RBMS3: variants seen among roughly 807,000 people sequenced by gnomAD.
The protein encoded by RBMS3 is RNA binding motif single stranded interacting protein 3.
RBMS3 carries 27 observed loss-of-function variants against 66.8 expected under a neutral mutation model. That is an observed-to-expected ratio of 0.40 (90% CI 0.30 to 0.56). RBMS3 has a LOEUF of 0.56. Ranked by LOEUF, RBMS3 falls within the 20% of genes least tolerant of loss-of-function variation. The pLI is 0.40. For missense variants in RBMS3, 513 were observed against 549.5 expected (o/e 0.93, Z 0.66); for synonymous variants, 188 against 183.0 (o/e 1.03, Z -0.22).
At chr3:29,353,675 A>G (rs892689477) in intron 1 of RBMS3, among the ~76,000 whole-genome samples, 35 of 152,064 alleles carry the variant, frequency 2.3e-4, no homozygotes, top group Non-Finnish European at 4.4e-4. Flanking sequence ...TGTGGTTCTA[A>G]TACTCACAAC....
At chr3:29,747,571 A>G (rs2054978909) in intron 5 of RBMS3, among the ~76,000 whole-genome samples, 1 of 152,148 alleles carries the variant, frequency 6.6e-6, no homozygotes, top group South Asian at 2.1e-4. Context: ...CCAACATTCT[A>G]CTGGATTGGG....
chr3:29,493,856 A>C (rs77801127), intron 3 of RBMS3, among the ~76,000 whole-genome samples: 1 of 152,292 alleles, frequency 6.6e-6, no homozygotes, highest in East Asian at 1.9e-4. Flanking sequence ...TGCTTTATTT[A>C]GGAAAGAAAT....
At chr3:29,869,012 C>T in intron 7 of RBMS3, 48 bp downstream of exon 7, 1 of 1,469,444 alleles carries the variant, frequency 6.8e-7, no homozygotes, top group Non-Finnish European at 9.2e-7. Context: ...CAGTAGATAT[C>T]CCTCAGAAGG....
chr3:29,794,311 G>A (rs891746940), intron 6 of RBMS3, among the ~76,000 whole-genome samples: 4 of 152,164 alleles, frequency 2.6e-5, no homozygotes, highest in African/African-American at 9.7e-5. Flanking sequence ...TGATGGCGGG[G>A]CACGGTGGCT....
chr3:29,666,487 TTTTC>T lies in RBMS3; in HGVS notation c.400-73227_400-73224del, dbSNP rs371746241. Among the ~76,000 whole-genome samples the T allele has an allele frequency of 3.4e-3, 522 of 152,284 alleles. 5 individuals are homozygous for T. The highest frequency in any genetic ancestry group is 0.011 in the African/African-American group (440 of 41,554). ...TATATTTTCACAGGGCTTTCAGACT[TTTTC>T]TTTCTGTCAGTAGAAATGTGTACTT... On this transcript the variant is annotated intron_variant, in intron 4 of 14. Coordinates refer to ENST00000383767, the MANE Select transcript of RBMS3 (RefSeq NM_001003793.3).
chr3:29,309,003 A>C (rs1038086341), intron 1 of RBMS3, among the ~76,000 whole-genome samples: 2 of 151,800 alleles, frequency 1.3e-5, no homozygotes, highest in African/African-American at 4.8e-5. Flanking sequence ...ACTTGGAGAC[A>C]AGTCAGAATT....
chr3:29,369,534 T>A (rs78676979), intron 1 of RBMS3, among the ~76,000 whole-genome samples: 10 of 100,770 alleles, frequency 9.9e-5, no homozygotes, highest in South Asian at 6.8e-4. Context: ...ACACACACAC[T>A]TTGAGTGAGG....
chr3:29,518,003 A>G (rs1228968457), intron 3 of RBMS3, among the ~76,000 whole-genome samples: 1 of 152,184 alleles, frequency 6.6e-6, no homozygotes, highest in East Asian at 1.9e-4. Context: ...TAGGGTAGCT[A>G]AAAAGGCAAA....
In RBMS3 at chr3:30,005,309, A is replaced by G. The variant is rs1027074102; in HGVS notation, c.*1447A>G. ...GCAGTTTCAGCATGAAGAGTTCTGG[A>G]TATGAACTGATTCATAGAGCCAAGT... is the stretch of plus-strand genomic sequence containing the variant. On this transcript the variant is annotated 3_prime_UTR_variant, in exon 15 of 15. Coordinates refer to ENST00000383767, the MANE Select transcript of RBMS3 (RefSeq NM_001003793.3). The G allele has an allele frequency of 1.3e-5, 2 of 151,734 alleles. No homozygotes were observed. The highest frequency in any genetic ancestry group is 2.4e-5 in the African/African-American group (1 of 41,356). 9.4% of individuals were successfully genotyped at this position (151,734 alleles called of 1,614,324 possible).
At position 29,426,391 on chromosome 3, in the gene RBMS3, C is replaced by T. The variant is rs778762582; in HGVS notation, c.76-8352C>T. ...AACAATAACTAGTTTATTTGTGTTT[C>T]CAAGTACCATGAATTTTAAAATGTC... On this transcript the variant is annotated intron_variant, in intron 1 of 14. Transcript: ENST00000383767. Among the ~76,000 whole-genome samples the T allele has an allele frequency of 4.7e-4, 72 of 152,210 alleles. 1 individual carries two copies. Among genetic ancestry groups the T allele is most frequent in the African/African-American group, 1.7e-3 (71 of 41,530 alleles).
intron 1 of RBMS3, among the ~76,000 whole-genome samples, chr3:29,387,595 G>T (rs937692351): frequency 6.6e-6 from 1 of 152,026 alleles, no homozygotes; most frequent in Non-Finnish European, 1.5e-5. Context: ...CGTGCAGCCA[G>T]AGTAAACGTT....
At chr3:29,688,862 T>A (rs1003173713) in intron 4 of RBMS3, among the ~76,000 whole-genome samples, 3 of 152,076 alleles carry the variant, frequency 2.0e-5, no homozygotes, top group African/African-American at 7.2e-5. Flanking sequence ...ATTACAGGTG[T>A]GAACCACTGT....
At chr3:29,619,622 C>A (rs2048798701) in intron 4 of RBMS3, among the ~76,000 whole-genome samples, 1 of 152,274 alleles carries the variant, frequency 6.6e-6, no homozygotes, top group Non-Finnish European at 1.5e-5. Flanking sequence ...GTGTATCCAT[C>A]TATACAATGG....
At chr3:29,344,089 AC>A (rs2036434742) in intron 1 of RBMS3, among the ~76,000 whole-genome samples, 1 of 152,176 alleles carries the variant, frequency 6.6e-6, no homozygotes, top group Non-Finnish European at 1.5e-5. Context: ...TTGACCCCAG[AC>A]AGAAGAAATT....
chr3:29,337,786 C>T (rs2036039520), intron 1 of RBMS3, among the ~76,000 whole-genome samples: 1 of 152,102 alleles, frequency 6.6e-6, no homozygotes. Flanking sequence ...AAAAAACAAC[C>T]TTACAATACT....
At chr3:29,723,633 G>C (rs1167420647) in intron 4 of RBMS3, among the ~76,000 whole-genome samples, 1 of 152,014 alleles carries the variant, frequency 6.6e-6, no homozygotes. Flanking sequence ...TCCATTATTA[G>C]GATAATCCAG....
chr3:29,796,729 T>TTTTTTTTTTTTG (rs2057207795), intron 6 of RBMS3, among the ~76,000 whole-genome samples: 1 of 149,440 alleles, frequency 6.7e-6, no homozygotes, highest in Non-Finnish European at 1.5e-5. Flanking sequence ...TTTTTTTTTT[T>TTTTTTTTTTTTG]GGAGATGGAG....
chr3:29,769,416 A>G (rs150833157), intron 6 of RBMS3, among the ~76,000 whole-genome samples: 3 of 151,944 alleles, frequency 2.0e-5, no homozygotes, highest in Non-Finnish European at 4.4e-5. Context: ...TATGACATCC[A>G]ATGTGTGAAT....
At chr3:29,972,883 T>C (rs1366423588) in intron 12 of RBMS3, among the ~76,000 whole-genome samples, 5 of 152,108 alleles carry the variant, frequency 3.3e-5, no homozygotes, top group Non-Finnish European at 5.9e-5. Context: ...TCCAGGCACA[T>C]TGAGGATTTC....
Sources: allele counts gnomAD v4.1 joint callset (sites outside exome capture counted in the v4.1 genomes callset), GRCh38; gene constraint gnomAD v4.1.1; transcripts MANE v1.5; gene names NCBI Gene and HGNC (gene_info 2026-07-23, HGNC 2026-07-21).